Variants in COBL observed in about 807,000 individuals in gnomAD.
COBL encodes cordon-bleu WH2 repeat protein, also known as protein cordon-bleu.
A neutral mutation model predicts 98.8 loss-of-function variants in COBL; 51 were observed. The observed-to-expected ratio is 0.52, with a 90% CI of 0.41 to 0.65. COBL has a LOEUF of 0.65. Among genes scored for constraint, COBL ranks in the 30% least tolerant of loss-of-function variants. The pLI is 0.00. For missense variants in COBL, 1,617 were observed against 1,617.5 expected, an observed-to-expected ratio of 1.00 and a Z score of 0.01; for synonymous variants, 634 against 651.7, an observed-to-expected ratio of 0.97 and a Z score of 0.41.
intron 1 of COBL, among the ~76,000 whole-genome samples, chr7:51,226,101 G>A (rs1295990449): frequency 6.6e-6 from 1 of 152,170 alleles, no homozygotes; most frequent in Non-Finnish European, 1.5e-5. Flanking sequence ...TACTGTCCAA[G>A]AAAAGTGGAC....
chr7:51,021,840 G>A (rs1039333023), intron 12 of COBL, among the ~76,000 whole-genome samples: 9 of 152,170 alleles, frequency 5.9e-5, no homozygotes, highest in Admixed American at 3.3e-4. Flanking sequence ...AATGTCTCCT[G>A]TGACCACAGG....
At chr7:51,085,449 T>C (rs1794138652) in intron 6 of COBL, 145 bp from the exon 7 acceptor site, 3 of 858,242 alleles carry the variant, frequency 3.5e-6, no homozygotes, top group South Asian at 3.5e-5. Flanking sequence ...GCCAGTTCCC[T>C]TTCCAGGTCC....
intron 5 of COBL, among the ~76,000 whole-genome samples, chr7:51,175,847 G>A (rs967991801): frequency 1.3e-5 from 2 of 152,170 alleles, no homozygotes; most frequent in South Asian, 4.1e-4. Flanking sequence ...TATAAGACTT[G>A]CTTATGGGCT....
intron 5 of COBL, among the ~76,000 whole-genome samples, chr7:51,176,915 A>C (rs1330411461): frequency 1.3e-5 from 2 of 152,240 alleles, no homozygotes; most frequent in African/African-American, 4.8e-5. Flanking sequence ...AAATAAGCCC[A>C]AATGCTTTTC....
At chr7:51,147,716 G>A (rs551006473) in intron 5 of COBL, among the ~76,000 whole-genome samples, 2 of 152,072 alleles carry the variant, frequency 1.3e-5, no homozygotes, top group South Asian at 2.1e-4. Flanking sequence ...GCGAAATTGC[G>A]GGACCTAAGA....
At chr7:51,182,629 G>C (rs147985075) in intron 5 of COBL, among the ~76,000 whole-genome samples, 2,098 of 137,764 alleles carry the variant, frequency 0.015, 49 homozygotes, top group African/African-American at 0.051. Flanking sequence ...AGGAAAGGAA[G>C]CTAGGAGAGG....
intron 6 of COBL, among the ~76,000 whole-genome samples, chr7:51,087,166 AGACTCATACTTTT>A (rs367924004): frequency 6.6e-6 from 1 of 151,992 alleles, no homozygotes; most frequent in African/African-American, 2.4e-5. Context: ...ACACACGCAC[AGACTCATACTTTT>A]CCTCTCCATT....
chr7:51,043,405 C>T lies in COBL; in HGVS notation c.1384G>A (p.Gly462Ser), dbSNP rs1789395009. The T allele has an allele frequency of 1.2e-6, 2 of 1,614,190 alleles. No homozygotes were observed. Among genetic ancestry groups the T allele is most frequent in the Non-Finnish European group, 1.7e-6 (2 of 1,180,026 alleles). The change falls in exon 8 of 13, where the codon GGC becomes AGC. Residue 462 changes from glycine (G) to serine (S), a missense_variant. Coordinates refer to ENST00000265136, the MANE Select transcript of COBL (RefSeq NM_015198.5). The part of the protein sequence containing the change: ...PQKSPLWEKN[G>S]SENSHLRTEK... ...CACCTCAGATGTGAGTTCTCAGAGC[C>T]ATTCTTCTCCCACAAGGGGCTCTTC...
chr7:51,087,521 C>CA (rs1794394214), intron 6 of COBL, among the ~76,000 whole-genome samples: 1 of 151,876 alleles, frequency 6.6e-6, no homozygotes, highest in African/African-American at 2.4e-5. Flanking sequence ...TTTTTTGAGA[C>CA]AGAGTCTCAC....
chr7:51,152,753 G>C (rs1393041889), intron 5 of COBL, among the ~76,000 whole-genome samples: 1 of 152,202 alleles, frequency 6.6e-6, no homozygotes, highest in Non-Finnish European at 1.5e-5. Context: ...CTTGAAAGCA[G>C]CATCTTTTCT....
At chr7:51,170,771 A>C (rs959151097) in intron 5 of COBL, among the ~76,000 whole-genome samples, 3 of 152,010 alleles carry the variant, frequency 2.0e-5, no homozygotes, top group African/African-American at 7.2e-5. Context: ...GCGGAGTAGA[A>C]GGATGGGGAG....
Position 51,165,593 on chromosome 7 carries a change from A to T in COBL, c.783+18509T>A, listed in dbSNP as rs115081502. Among the ~76,000 whole-genome samples, 1,117 of 152,182 alleles carry T rather than the reference A, an allele frequency of 7.3e-3. 13 individuals are homozygous for T. The highest frequency in any genetic ancestry group is 0.026 in the African/African-American group (1,085 of 41,560). ...AAGCAACAAAGAAACATCAGACTTAATCTACAGTGTAGATCGAATGGATCT... is the reference window on the plus strand; with the variant it reads ...AAGCAACAAAGAAACATCAGACTTATTCTACAGTGTAGATCGAATGGATCT... On this transcript the variant is annotated intron_variant, in intron 5 of 12. Transcript: ENST00000265136.
In COBL at chr7:51,030,801, G is replaced by A; in HGVS notation, c.1504+11C>T. On this transcript the variant is annotated intron_variant, in intron 9 of 12. Transcript: ENST00000265136. ...GCATAATATCAGAGTAGCGGATCAG[G>A]TGGTTCTTACCTTCCAGGTCTTCAT... The A allele has an allele frequency of 1.3e-6, 2 of 1,563,218 alleles. No homozygotes were observed. Among genetic ancestry groups the A allele is most frequent in the Non-Finnish European group, 1.8e-6 (2 of 1,134,894 alleles).
intron 6 of COBL, among the ~76,000 whole-genome samples, chr7:51,106,061 G>A (rs1026284999): frequency 7.4e-5 from 11 of 149,496 alleles, no homozygotes; most frequent in African/African-American, 2.5e-4. Flanking sequence ...AAAAATTGTC[G>A]GGGGTGGTGG....
chr7:51,225,378 C>T (rs903766566), intron 1 of COBL, among the ~76,000 whole-genome samples: 15 of 152,192 alleles, frequency 9.9e-5, no homozygotes, highest in Non-Finnish European at 1.9e-4. Flanking sequence ...TCTAAAGAGG[C>T]CATCAGACCT....
chr7:51,141,791 G>C (rs931571718), intron 5 of COBL, among the ~76,000 whole-genome samples: 2 of 152,114 alleles, frequency 1.3e-5, no homozygotes, highest in Admixed American at 6.5e-5. Context: ...GCACTCCCTG[G>C]GGTCTGTTGG....
At chr7:51,054,900 T>C (rs910950289) in intron 7 of COBL, among the ~76,000 whole-genome samples, 1 of 152,188 alleles carries the variant, frequency 6.6e-6, no homozygotes, top group Non-Finnish European at 1.5e-5. Context: ...AAACATCGTT[T>C]CCTTTCCACA....
intron 6 of COBL, among the ~76,000 whole-genome samples, chr7:51,108,464 T>A (rs1378111086): frequency 6.6e-6 from 1 of 152,178 alleles, no homozygotes; most frequent in Non-Finnish European, 1.5e-5. Context: ...GGTGCAACTG[T>A]TGGAGGTGCA....
chr7:51,110,510 C>T (rs1037523409), intron 6 of COBL, among the ~76,000 whole-genome samples: 8 of 152,170 alleles, frequency 5.3e-5, no homozygotes, highest in South Asian at 2.1e-4. Context: ...ACCATTCATC[C>T]GCTGACGGAC....
Sources: allele counts gnomAD v4.1 joint callset (sites outside exome capture counted in the v4.1 genomes callset), GRCh38; gene constraint gnomAD v4.1.1; transcripts MANE v1.5; gene names NCBI Gene and HGNC (gene_info 2026-07-23, HGNC 2026-07-21).